The following CSTF3 variants were observed in gnomAD, a reference collection of about 807,000 sequenced individuals.
CSTF3 encodes cleavage stimulation factor subunit 3, also known as CF-1 77 kDa subunit.
CSTF3 carries 29 observed loss-of-function variants against 105.8 expected under a neutral mutation model. The observed-to-expected ratio is 0.27, with a 90% CI of 0.20 to 0.37. CSTF3 has a LOEUF of 0.37. Among genes scored for constraint, CSTF3 ranks in the 10% least tolerant of loss-of-function variants. The pLI is 1.00. For missense variants in CSTF3, 357 were observed against 879.3 expected (o/e 0.41, Z 7.51); for synonymous variants, 252 against 281.9 (o/e 0.89, Z 1.06).
chr11:33,153,087 A>AT (rs1320777699), intron 1 of CSTF3, among the ~76,000 whole-genome samples: 1 of 152,148 alleles, frequency 6.6e-6, no homozygotes, highest in African/African-American at 2.4e-5. Flanking sequence ...ATGAATATAA[A>AT]TATTTTACTG....
At chr11:33,118,696 A>G (rs1855458137) in intron 3 of CSTF3, among the ~76,000 whole-genome samples, 1 of 151,586 alleles carries the variant, frequency 6.6e-6, no homozygotes, top group African/African-American at 2.4e-5. Flanking sequence ...ATCATTTGAG[A>G]CGCTCCAGCT....
At chr11:33,149,884 T>C (rs1355057811) in intron 1 of CSTF3, among the ~76,000 whole-genome samples, 1 of 152,154 alleles carries the variant, frequency 6.6e-6, no homozygotes, top group African/African-American at 2.4e-5. Flanking sequence ...CTGGGCATGG[T>C]GGTACACGCC....
rs1565024787 is a variant in CSTF3, at chr11:33,161,456, G to A, written c.-131C>T. ...CTGAGCCAGACCGCCAACACCAATCGCCACCGCCCACTCAAATATGAATTA... is the reference window on the plus strand; with the variant it reads ...CTGAGCCAGACCGCCAACACCAATCACCACCGCCCACTCAAATATGAATTA... On this transcript the variant is annotated 5_prime_UTR_variant, in exon 1 of 21. Coordinates refer to ENST00000323959, the MANE Select transcript of CSTF3 (RefSeq NM_001326.3). 8.1e-6 allele frequency: 7 copies of A among 867,070 alleles called. No homozygotes were observed. Among genetic ancestry groups the A allele is most frequent in the Admixed American group, 6.3e-5 (3 of 47,324 alleles). 53.7% of individuals were successfully genotyped at this position (867,070 alleles called of 1,614,324 possible).
chr11:33,149,136 A>G (rs1429794201), intron 1 of CSTF3, among the ~76,000 whole-genome samples: 3 of 152,226 alleles, frequency 2.0e-5, no homozygotes, highest in Non-Finnish European at 4.4e-5. Context: ...GGGAATGCTC[A>G]ATTTCAGTTA....
At chr11:33,108,468 C>G in intron 3 of CSTF3, 50 bp from the exon 4 acceptor site, 1 of 1,337,678 alleles carries the variant, frequency 7.5e-7, no homozygotes, top group Non-Finnish European at 9.8e-7. Flanking sequence ...TTTAGAGCAT[C>G]AGTCTGAATT....
intron 1 of CSTF3, among the ~76,000 whole-genome samples, chr11:33,152,559 C>T (rs1410165045): frequency 6.6e-6 from 1 of 152,208 alleles, no homozygotes; most frequent in African/African-American, 2.4e-5. Flanking sequence ...TTATGTGAAG[C>T]TAACTAACTC....
chr11:33,087,153 G>C lies in CSTF3; in HGVS notation c.1642-12C>G. On this transcript the variant is annotated splice_polypyrimidine_tract_variant and intron_variant, in intron 17 of 20. Coordinates refer to ENST00000323959, the MANE Select transcript of CSTF3 (RefSeq NM_001326.3). Reference sequence around the variant, plus strand: ...GCACGGGAGACATCCTGAAAATGCAGAACAGAAGAATCCTAAACCTGAAAA... The same window carrying C: ...GCACGGGAGACATCCTGAAAATGCACAACAGAAGAATCCTAAACCTGAAAA... 3 of 1,613,588 alleles carry C rather than the reference G, an allele frequency of 1.9e-6. No individual in the cohort carries two copies. The highest frequency in any genetic ancestry group is 2.5e-6 in the Non-Finnish European group (3 of 1,179,752).
intron 9 of CSTF3, 147 bp from the exon 10 acceptor site, chr11:33,102,486 G>T: frequency 1.4e-6 from 1 of 724,540 alleles, no homozygotes; most frequent in African/African-American, 1.8e-5. Context: ...CTATTTAAGA[G>T]TAGAGAGAAA....
intron 3 of CSTF3, among the ~76,000 whole-genome samples, chr11:33,112,727 G>A (rs1303264015): frequency 6.6e-6 from 1 of 152,024 alleles, no homozygotes; most frequent in East Asian, 1.9e-4. Context: ...ATATTTACAT[G>A]AAAACATCTT....
At chr11:33,157,091 G>A (rs930217327) in intron 1 of CSTF3, among the ~76,000 whole-genome samples, 24 of 151,752 alleles carry the variant, frequency 1.6e-4, no homozygotes, top group African/African-American at 5.6e-4. Flanking sequence ...AGTGGCTCAC[G>A]CCTGTAATCC....
Position 33,099,597 on chromosome 11 carries a change from G to T in CSTF3, c.936+11C>A. 2 of 1,547,238 alleles carry T rather than the reference G, an allele frequency of 1.3e-6. No individual in the cohort carries two copies. Among genetic ancestry groups the T allele is most frequent in the Admixed American group, 1.8e-5 (1 of 55,292 alleles). ...AAAATATCAAAGTGGGGATAGGGAA[G>T]GAACACTTACTCCCTTTTCTGCGAG... On this transcript the variant is annotated intron_variant, in intron 11 of 20. Coordinates refer to ENST00000323959, the MANE Select transcript of CSTF3 (RefSeq NM_001326.3). The surrounding 1 kb of genome is among the most constrained non-coding windows in gnomAD (Gnocchi z 4.1).
At chr11:33,142,053 T>C in intron 1 of CSTF3, 67 bp from the exon 2 acceptor site, 2 of 1,600,318 alleles carry the variant, frequency 1.2e-6, no homozygotes, top group African/African-American at 1.3e-5. Flanking sequence ...ACTTAATTCA[T>C]GAACAATAAA....
Position 33,084,917 on chromosome 11 carries a change from A to C in CSTF3, c.*170T>G. The C allele has an allele frequency of 1.4e-6, 1 of 732,774 alleles. No individual in the cohort carries two copies. Among genetic ancestry groups the C allele is most frequent in the East Asian group, 2.7e-5 (1 of 37,282 alleles). 45.4% of individuals were successfully genotyped at this position (732,774 alleles called of 1,614,324 possible). A position where few individuals can be genotyped will look rare whatever the true frequency, so the allele number is the denominator to read the frequency against. ...GAGCATAGGTCTGTTCCGTATTCTA[A>C]AATTCACACAGGTTGGTTTGTTTTT... On this transcript the variant is annotated 3_prime_UTR_variant, in exon 21 of 21. Coordinates refer to ENST00000323959, the MANE Select transcript of CSTF3 (RefSeq NM_001326.3).
chr11:33,120,039 C>A (rs748848167), intron 3 of CSTF3, among the ~76,000 whole-genome samples: 11 of 151,708 alleles, frequency 7.3e-5, no homozygotes, highest in East Asian at 1.9e-4. Flanking sequence ...GCAACAGCAA[C>A]CTTTGATAGT....
At chr11:33,153,178 G>C (rs1163131391) in intron 1 of CSTF3, among the ~76,000 whole-genome samples, 1 of 151,712 alleles carries the variant, frequency 6.6e-6, no homozygotes, top group Non-Finnish European at 1.5e-5. Flanking sequence ...ATGTCTGGCT[G>C]AATAGAAGAC....
In CSTF3 at chr11:33,156,603, T is replaced by C. The variant is rs145535585; in HGVS notation, c.27+4696A>G. On this transcript the variant is annotated intron_variant, in intron 1 of 20. Transcript: ENST00000323959. The stretch of plus-strand genomic sequence containing the variant: ...AATTAATTTGCGCTTCTTAGAATCA[T>C]GTAGCTTTTCCAAGCTGAGGATCAT... 2.7e-3 allele frequency: 1,181 copies of C among 435,782 alleles called. 11 individuals are homozygous for C. The highest frequency in any genetic ancestry group is 0.01 in the South Asian group (620 of 61,244). 27.0% of individuals were successfully genotyped at this position (435,782 alleles called of 1,614,324 possible). A position where few individuals can be genotyped will look rare whatever the true frequency, so the allele number is the denominator to read the frequency against.
intron 3 of CSTF3, among the ~76,000 whole-genome samples, chr11:33,140,202 T>C (rs914427938): frequency 1.3e-5 from 2 of 152,074 alleles, no homozygotes; most frequent in Admixed American, 1.3e-4. Flanking sequence ...TCCAGGTTCC[T>C]TGTTTTAATG....
In CSTF3 at chr11:33,089,386, A is replaced by G. The variant is rs149651807; in HGVS notation, c.1641+1146T>C. Among the ~76,000 whole-genome samples the G allele has an allele frequency of 5.3e-5, 8 of 152,086 alleles. No homozygotes were observed. The East Asian group carries it at 1.5e-3, about 29-fold the overall frequency. On this transcript the variant is annotated intron_variant, in intron 17 of 20. Transcript: ENST00000323959. ...ACAGAAACGATGTATAGGAAAACCAATTTTTTTCTTATCAAGGTTATAACA... is the reference window on the plus strand; with the variant it reads ...ACAGAAACGATGTATAGGAAAACCAGTTTTTTTCTTATCAAGGTTATAACA...
intron 3 of CSTF3, among the ~76,000 whole-genome samples, chr11:33,137,295 T>A (rs1342525707): frequency 1.3e-5 from 2 of 151,546 alleles, no homozygotes; most frequent in Non-Finnish European, 3.0e-5. Flanking sequence ...ATTATAAAGA[T>A]TAGAAAACAT....
Sources: gnomAD v4.1 joint callset for allele counts (sites outside exome capture counted in the v4.1 genomes callset) on GRCh38, gnomAD v4.1.1 for gene constraint, Gnocchi (gnomAD v3.1) non-coding constraint, MANE v1.5 for transcripts, NCBI Gene and HGNC (gene_info 2026-07-23, HGNC 2026-07-21) for gene names.